TACR3: variants seen among roughly 807,000 people sequenced by gnomAD.
TACR3 encodes the protein neuromedin-K receptor.
In TACR3, 34 loss-of-function variants were observed where a neutral mutation model predicts 35.0. The observed-to-expected ratio is 0.97, with a 90% CI of 0.74 to 1.30. TACR3 has a LOEUF of 1.30. Ranked by LOEUF, TACR3 falls within the 50% of genes most tolerant of loss-of-function variation. The probability of loss-of-function intolerance (pLI) is 0.00; values close to 1 mark genes in which losing one functional copy is unlikely to be tolerated. For missense variants in TACR3, 558 were observed against 591.7 expected (o/e 0.94, Z 0.59); for synonymous variants, 233 against 221.1 (o/e 1.05, Z -0.48).
intron 1 of TACR3, among the ~76,000 whole-genome samples, chr4:103,683,843 A>G (rs920485613): frequency 8.2e-6 from 1 of 121,384 alleles, no homozygotes; most frequent in African/African-American, 5.6e-5. Flanking sequence ...AGAGAGAAGG[A>G]GAGAGAGAGA....
intron 3 of TACR3, among the ~76,000 whole-genome samples, chr4:103,651,208 A>G (rs1009069776): frequency 3.3e-5 from 5 of 150,716 alleles, no homozygotes. Context: ...AGGTGGGTCC[A>G]GAGGTGCTGT....
rs745808753 is a variant in TACR3 at position 103,719,715 on chromosome 4, C to G, written c.-40G>C. 1.2e-6 allele frequency: 2 copies of G among 1,601,980 alleles called. No homozygotes were observed. ...AGTCCCGGACCCTCCCACTCACCCACGGGCAGCCCAAGACGAGACTCCTCT... is the reference window on the plus strand; with the variant it reads ...AGTCCCGGACCCTCCCACTCACCCAGGGGCAGCCCAAGACGAGACTCCTCT... On this transcript the variant is annotated 5_prime_UTR_variant, in exon 1 of 5. Transcript: ENST00000304883.
rs114627133 is a variant in TACR3, at chr4:103,610,365, A to G, written c.889-18682T>C. ...TTGTGATTCTAATTTGTGTTTCTCTAATAATTAGTGATGTTGAGCATTGTT... is the reference window on the plus strand; with the variant it reads ...TTGTGATTCTAATTTGTGTTTCTCTGATAATTAGTGATGTTGAGCATTGTT... On this transcript the variant is annotated intron_variant, in intron 3 of 4. Coordinates refer to ENST00000304883, the MANE Select transcript of TACR3 (RefSeq NM_001059.3). Among the ~76,000 whole-genome samples, 282 of 152,142 alleles carry G rather than the reference A, an allele frequency of 1.9e-3. 1 individual carries two copies. The highest frequency in any genetic ancestry group is 6.4e-3 in the African/African-American group (266 of 41,528).
At chr4:103,698,974 T>G (rs1722587603) in intron 1 of TACR3, among the ~76,000 whole-genome samples, 1 of 152,158 alleles carries the variant, frequency 6.6e-6, no homozygotes, top group Non-Finnish European at 1.5e-5. Context: ...AAAAACACTT[T>G]TGCAACTTCT....
chr4:103,650,226 G>A (rs1725558503), intron 3 of TACR3, among the ~76,000 whole-genome samples: 2 of 151,830 alleles, frequency 1.3e-5, no homozygotes, highest in South Asian at 4.1e-4. Context: ...GGAGCTGGGT[G>A]AGGTGGATGG....
chr4:103,640,428 G>GT (rs35327088), intron 3 of TACR3, among the ~76,000 whole-genome samples: 56,493 of 151,604 alleles, frequency 0.37, 10,679 homozygotes, highest in African/African-American at 0.42. Flanking sequence ...GATGTAGAGA[G>GT]TTTTTTTTCA....
chr4:103,591,334 T>A (rs1453598444), intron 4 of TACR3, 153 bp downstream of exon 4: 5 of 829,730 alleles, frequency 6.0e-6, no homozygotes, highest in Non-Finnish European at 1.0e-5. Context: ...TATGGGGGTC[T>A]TGAAAGATAA....
chr4:103,594,867 A>G (rs1175791610), intron 3 of TACR3, among the ~76,000 whole-genome samples: 2 of 152,170 alleles, frequency 1.3e-5, no homozygotes, highest in Non-Finnish European at 2.9e-5. Flanking sequence ...AGAAATGTTT[A>G]TAAGTGAAAC....
intron 3 of TACR3, among the ~76,000 whole-genome samples, chr4:103,596,222 T>C (rs13109097): frequency 4.0e-5 from 6 of 151,652 alleles, no homozygotes; most frequent in African/African-American, 7.3e-5. Context: ...CGTGTGCATG[T>C]GTCTTTATAG....
At position 103,719,665 on chromosome 4, in the gene TACR3, A is replaced by G; in HGVS notation, c.11T>C (p.Leu4Pro). 1.4e-5 allele frequency: 23 copies of G among 1,610,710 alleles called. No homozygotes were observed. The highest frequency in any genetic ancestry group is 1.9e-5 in the Non-Finnish European group (23 of 1,179,994). The change falls in exon 1 of 5, where the codon CTC becomes CCC. Residue 4 changes from leucine to proline, a missense_variant. Physicochemically the swap from Leu to Pro is moderately conservative, Grantham distance 98 (BLOSUM62 -3). Coordinates refer to ENST00000304883, the MANE Select transcript of TACR3 (RefSeq NM_001059.3). Reference sequence around the variant, plus strand: ...GTCTATCCAGGTTTCTGCTGCTGGGAGAGTGGCCATCGCCACCGGTCTGCA... The same window carrying G: ...GTCTATCCAGGTTTCTGCTGCTGGGGGAGTGGCCATCGCCACCGGTCTGCA... MAT[L>P]PAAETWIDGG...
At chr4:103,606,651 T>G (rs1405526676) in intron 3 of TACR3, among the ~76,000 whole-genome samples, 1 of 152,130 alleles carries the variant, frequency 6.6e-6, no homozygotes, top group Non-Finnish European at 1.5e-5. Context: ...AGAATGCTTG[T>G]GATTTTTGTA....
intron 3 of TACR3, among the ~76,000 whole-genome samples, chr4:103,617,934 AT>A: frequency 6.6e-6 from 1 of 152,314 alleles, no homozygotes; most frequent in Non-Finnish European, 1.5e-5. Flanking sequence ...AGAGAAAAAA[AT>A]ATCACCAGAT....
intron 3 of TACR3, among the ~76,000 whole-genome samples, chr4:103,617,497 G>T (rs978604205): frequency 1.3e-5 from 2 of 152,092 alleles, no homozygotes; most frequent in Non-Finnish European, 2.9e-5. Flanking sequence ...ATTACTAGAA[G>T]AAAAAAATTA....
intron 1 of TACR3, among the ~76,000 whole-genome samples, chr4:103,689,041 C>A (rs1295206493): frequency 6.6e-6 from 1 of 151,798 alleles, no homozygotes; most frequent in Non-Finnish European, 1.5e-5. Context: ...AAATGTGGCA[C>A]ATATACACCA....
intron 1 of TACR3, among the ~76,000 whole-genome samples, chr4:103,686,283 G>A (rs2110213427): frequency 6.6e-6 from 1 of 152,266 alleles, no homozygotes; most frequent in African/African-American, 2.4e-5. Flanking sequence ...GCATTCCCAT[G>A]ACACAGATCC....
intron 1 of TACR3, among the ~76,000 whole-genome samples, chr4:103,716,006 T>C (rs1723081444): frequency 6.6e-6 from 1 of 152,138 alleles, no homozygotes; most frequent in Admixed American, 6.6e-5. Context: ...TCATCACAAC[T>C]TGTTAGGTGT....
chr4:103,601,510 G>T (rs975137742), intron 3 of TACR3, among the ~76,000 whole-genome samples: 6 of 152,134 alleles, frequency 3.9e-5, no homozygotes, highest in Non-Finnish European at 7.4e-5. Flanking sequence ...GCATGTTTTT[G>T]CAATGGCTGG....
rs551332426 is a variant in TACR3, at chr4:103,688,271, G to A, written c.549-29868C>T. ...TTCAAGATGGATTAAAGACTTAAAC[G>A]TTAGATCTAAAACCATAAAAACCCT... On this transcript the variant is annotated intron_variant, in intron 1 of 4. Coordinates refer to ENST00000304883, the MANE Select transcript of TACR3 (RefSeq NM_001059.3). Among the ~76,000 whole-genome samples the A allele has an allele frequency of 1.7e-3, 264 of 152,196 alleles. 2 individuals carry two copies. The highest frequency in any genetic ancestry group is 5.9e-3 in the African/African-American group (245 of 41,548).
chr4:103,636,340 A>C (rs1208287620), intron 3 of TACR3, among the ~76,000 whole-genome samples: 1 of 143,622 alleles, frequency 7.0e-6, no homozygotes, highest in Admixed American at 6.9e-5. Flanking sequence ...CACTTTGGTA[A>C]GTATGTGCAG....
Sources: gnomAD v4.1 joint callset for allele counts (sites outside exome capture counted in the v4.1 genomes callset) on GRCh38, gnomAD v4.1.1 for gene constraint, MANE v1.5 for transcripts, NCBI Gene and HGNC (gene_info 2026-07-23, HGNC 2026-07-21) for gene names.